The following RARS1 variants were observed in gnomAD, a reference collection of about 807,000 sequenced individuals.
RARS1 encodes the protein arginyl-tRNA synthetase 1.
RARS1 carries 75 observed loss-of-function variants against 78.7 expected under a neutral mutation model. That is an observed-to-expected ratio of 0.95 (90% confidence interval 0.79 to 1.15). The LOEUF (loss-of-function observed/expected upper bound fraction) is 1.15. RARS1 is among the 50% of genes most tolerant of loss of function. The pLI, the probability that RARS1 is intolerant of heterozygous loss-of-function variation, is 0.00. For missense variants in RARS1, 787 were observed against 787.5 expected, an observed-to-expected ratio of 1.00 and a Z score of 0.01; for synonymous variants, 273 against 268.2, an observed-to-expected ratio of 1.02 and a Z score of -0.18.
At position 168,500,938 on chromosome 5, in the gene RARS1, A is replaced by T. The variant is rs116464791; in HGVS notation, c.952+218A>T. On this transcript the variant is annotated intron_variant, in intron 8 of 14. Coordinates refer to ENST00000231572, the MANE Select transcript of RARS1 (RefSeq NM_002887.4). ...CTTTCTTAGAAGTCAGCAAAAATTA[A>T]TTAGAAAATAAAGTGGAAAATAAAA... Among the ~76,000 whole-genome samples the T allele has an allele frequency of 3.9e-3, 598 of 152,286 alleles. 3 individuals are homozygous for T. Among genetic ancestry groups the T allele is most frequent in the African/African-American group, 0.014 (569 of 41,562 alleles).
chr5:168,497,572 G>A (rs1327502354), intron 7 of RARS1, among the ~76,000 whole-genome samples: 1 of 151,868 alleles, frequency 6.6e-6, no homozygotes, highest in Non-Finnish European at 1.5e-5. Context: ...CAGTTCTGCA[G>A]GCTGTACAAG....
rs1758299043 is a variant in RARS1 at position 168,500,622 on chromosome 5, A to G, written c.854A>G (p.Glu285Gly). Reference sequence around the variant, plus strand: ...AAGAAGAGGTTTGATACTGAGGAGGAATTTAAGAAGCGAGCATATCAGTGT... The same window carrying G: ...AAGAAGAGGTTTGATACTGAGGAGGGATTTAAGAAGCGAGCATATCAGTGT... ...ESKKRFDTEE[E>G]FKKRAYQCVV... The change falls in exon 8 of 15, where the codon GAA (glutamate) becomes GGA (glycine). Residue 285 changes from glutamate (E) to glycine (G), a missense_variant. Glu to Gly is a moderately conservative substitution (Grantham distance 98). Coordinates refer to ENST00000231572, the MANE Select transcript of RARS1 (RefSeq NM_002887.4). The G allele has an allele frequency of 6.3e-7, 1 of 1,595,368 alleles. No homozygotes were observed. The highest frequency in any genetic ancestry group is 1.1e-5 in the South Asian group (1 of 87,584).
chr5:168,506,357 C>T (rs1304810232), intron 10 of RARS1, among the ~76,000 whole-genome samples, 158 bp downstream of exon 10: 1 of 152,142 alleles, frequency 6.6e-6, no homozygotes, highest in African/African-American at 2.4e-5. Context: ...GGGTTTGGAC[C>T]CAGCCAAACT....
chr5:168,486,711 C>G (rs1757972074), intron 1 of RARS1, among the ~76,000 whole-genome samples, 168 bp downstream of exon 1: 1 of 152,010 alleles, frequency 6.6e-6, no homozygotes, highest in Non-Finnish European at 1.5e-5. Flanking sequence ...GAGGAAGCAC[C>G]CATCATTTCA....
chr5:168,500,524 CT>C, intron 7 of RARS1, 66 bp from the exon 8 acceptor site: 1 of 1,330,232 alleles, frequency 7.5e-7, no homozygotes, highest in Non-Finnish European at 9.7e-7. Context: ...TGTGTAAGTT[CT>C]TTTTCTAGAA....
At position 168,500,450 on chromosome 5, in the gene RARS1, A is replaced by C. The variant is rs1758293232; in HGVS notation, c.823-141A>C. On this transcript the variant is annotated intron_variant, in intron 7 of 14. Transcript: ENST00000231572. The stretch of plus-strand genomic sequence containing the variant: ...ATGTTCATTTGTAACAGTATTCTCA[A>C]CTATTGAGGGAGAGCACTTGTTCTC... The C allele has an allele frequency of 1.0e-5, 8 of 789,844 alleles. No individual in the cohort carries two copies. The East Asian group carries it at 2.8e-4, about 28-fold the overall frequency. The allele number at this position is 789,844 out of a possible 1,614,324, so 48.9% of individuals were successfully genotyped here. A position where few individuals can be genotyped will look rare whatever the true frequency, so the allele number is the denominator to read the frequency against.
Position 168,492,771 on chromosome 5 carries a change from C to A in RARS1, c.293C>A (p.Pro98His). The A allele has an allele frequency of 6.2e-7, 1 of 1,613,822 alleles. No individual in the cohort carries two copies. Among genetic ancestry groups the A allele is most frequent in the East Asian group, 2.2e-5 (1 of 44,880 alleles). The change falls in exon 3 of 15, where the codon CCT becomes CAT. Residue 98 changes from proline (P) to histidine (H), a missense_variant. By Grantham distance (77) the Pro-to-His change is moderately conservative. Coordinates refer to ENST00000231572, the MANE Select transcript of RARS1 (RefSeq NM_002887.4). ...IKAAYPDLENPPLLVTPSQQA... is the reference protein window; with the variant it reads ...IKAAYPDLENHPLLVTPSQQA... Reference sequence around the variant, plus strand: ...GCTGCATATCCAGATTTGGAAAATCCTCCTCTGCTAGTGACACCAAGTCAG... The same window carrying A: ...GCTGCATATCCAGATTTGGAAAATCATCCTCTGCTAGTGACACCAAGTCAG...
At position 168,488,586 on chromosome 5, in the gene RARS1, G is replaced by T. The variant is rs1418866750; in HGVS notation, c.46-16G>T. On this transcript the variant is annotated splice_polypyrimidine_tract_variant and intron_variant, in intron 1 of 14. Coordinates refer to ENST00000231572, the MANE Select transcript of RARS1 (RefSeq NM_002887.4). ...AGTAAGTTTATGGACTGAAAAAAGTGCTTTTTTTCCCACAGGAAGAAGAGA... is the reference window on the plus strand; with the variant it reads ...AGTAAGTTTATGGACTGAAAAAAGTTCTTTTTTTCCCACAGGAAGAAGAGA... The T allele has an allele frequency of 1.8e-5, 28 of 1,595,074 alleles. No homozygotes were observed. The highest frequency in any genetic ancestry group is 2.4e-5 in the Non-Finnish European group (28 of 1,174,204).
chr5:168,492,441 A>G (rs1245797297), intron 2 of RARS1, among the ~76,000 whole-genome samples: 2 of 152,130 alleles, frequency 1.3e-5, no homozygotes, highest in African/African-American at 4.8e-5. Context: ...AAAAAGTAAG[A>G]CCTCAGGGCA....
intron 11 of RARS1, 35 bp downstream of exon 11, chr5:168,506,866 A>C: frequency 6.8e-7 from 1 of 1,481,406 alleles, no homozygotes; most frequent in Non-Finnish European, 9.4e-7. Context: ...GTAATGATAT[A>C]CTTGATCCCA....
chr5:168,506,729 A>T lies in RARS1; in HGVS notation c.1244A>T (p.His415Leu), dbSNP rs1479328141. The change falls in exon 11 of 15, where the codon CAC (histidine) becomes CTC (leucine). Residue 415 changes from histidine (H) to leucine (L), a missense_variant. By Grantham distance (99) the His-to-Leu change is moderately conservative. Coordinates refer to ENST00000231572, the MANE Select transcript of RARS1 (RefSeq NM_002887.4). ...TTTCCGTTTCTGTTGTAGTCTGTGC[A>T]CTTCCAGACAATATTTGCTGCTGCT... The part of the protein sequence containing the change: ...IYVVDNGQSV[H>L]FQTIFAAAQM... 1.9e-6 allele frequency: 3 copies of T among 1,611,012 alleles called. No individual in the cohort carries two copies. The highest frequency in any genetic ancestry group is 1.7e-6 in the Non-Finnish European group (2 of 1,177,630).
intron 3 of RARS1, 42 bp downstream of exon 3, chr5:168,492,889 G>T: frequency 7.0e-7 from 1 of 1,437,418 alleles, no homozygotes; most frequent in East Asian, 2.3e-5. Context: ...ATTTTTTTAA[G>T]TATTATTATC....
chr5:168,492,230 C>T (rs952189632), intron 2 of RARS1, among the ~76,000 whole-genome samples: 5 of 152,168 alleles, frequency 3.3e-5, no homozygotes, highest in African/African-American at 1.2e-4. Flanking sequence ...GCTTTGCTCC[C>T]TTTTATTTCA....
In RARS1 at chr5:168,500,638, A is replaced by T; in HGVS notation, c.870A>T (p.Ala290=). Residue 290 remains alanine, a synonymous_variant, in exon 8 of 15, where the codon GCA becomes GCT. Coordinates refer to ENST00000231572, the MANE Select transcript of RARS1 (RefSeq NM_002887.4). ...FDTEEEFKKR[A]YQCVVLLQGK... is the part of the protein sequence containing the mutation. ...CTGAGGAGGAATTTAAGAAGCGAGCATATCAGTGTGTAGTTCTGCTCCAGG... is the reference window on the plus strand; with the variant it reads ...CTGAGGAGGAATTTAAGAAGCGAGCTTATCAGTGTGTAGTTCTGCTCCAGG... 1 of 1,607,276 alleles carries T rather than the reference A, an allele frequency of 6.2e-7. No individual in the cohort carries two copies. Among genetic ancestry groups the T allele is most frequent in the Non-Finnish European group, 8.5e-7 (1 of 1,177,940 alleles).
At position 168,492,542 on chromosome 5, in the gene RARS1, C is replaced by T. The variant is rs1167428083; in HGVS notation, c.181-117C>T. On this transcript the variant is annotated intron_variant, in intron 2 of 14. Transcript: ENST00000231572. ...GATTGAGGGCATCACACCATAAGTA[C>T]GTTTTCCCTTTTGGTTCTTAAGATA... 26 of 869,530 alleles carry T rather than the reference C, an allele frequency of 3.0e-5. No homozygotes were observed. The Admixed American group carries it at 6.1e-4, about 20-fold the overall frequency. The allele number at this position is 869,530 out of a possible 1,614,324, so 53.9% of individuals were successfully genotyped here. A position where few individuals can be genotyped will look rare whatever the true frequency, so the allele number is the denominator to read the frequency against.
At position 168,519,185 on chromosome 5, in the gene RARS1, A is replaced by G; in HGVS notation, c.1978A>G (p.Met660Val). The change falls in exon 15 of 15, where the codon ATG becomes GTG. Residue 660 changes from methionine (M) to valine (V), a missense_variant. Transcript: ENST00000231572. ...CCTGGGAATAAAACCTGTCCAAAGG[A>G]TGTAATCCTTCATAGGTTTGAACAC... ...DILGIKPVQRM is the reference protein window; with the variant it reads ...DILGIKPVQRV 6.2e-7 allele frequency: 1 copy of G among 1,611,102 alleles called. No homozygotes were observed. Among genetic ancestry groups the G allele is most frequent in the Non-Finnish European group, 8.5e-7 (1 of 1,177,712 alleles).
chr5:168,513,858 T>C (rs1376168380), intron 12 of RARS1, among the ~76,000 whole-genome samples: 7 of 152,198 alleles, frequency 4.6e-5, no homozygotes, highest in Non-Finnish European at 1.0e-4. Context: ...GACAGATTCT[T>C]TCAGAATTTT....
At chr5:168,496,358 A>C (rs1409163589) in intron 6 of RARS1, among the ~76,000 whole-genome samples, 2 of 143,876 alleles carry the variant, frequency 1.4e-5, no homozygotes, top group Non-Finnish European at 1.5e-5. Flanking sequence ...CAGCCTGGGC[A>C]ACAGAGCAAG....
intron 2 of RARS1, among the ~76,000 whole-genome samples, chr5:168,489,525 T>C (rs1758037757): frequency 6.6e-6 from 1 of 152,232 alleles, no homozygotes; most frequent in South Asian, 2.1e-4. Context: ...AACACTTTTT[T>C]TCCCCATGAA....
Sources: gnomAD v4.1 joint callset for allele counts (sites outside exome capture counted in the v4.1 genomes callset) on GRCh38, gnomAD v4.1.1 for gene constraint, MANE v1.5 for transcripts, NCBI Gene and HGNC (gene_info 2026-07-23, HGNC 2026-07-21) for gene names.